Variants in SLC24A1 observed in about 807,000 individuals in gnomAD.
SLC24A1 encodes the protein sodium/potassium/calcium exchanger 1.
SLC24A1 carries 52 observed loss-of-function variants against 88.1 expected under a neutral mutation model. That is an observed-to-expected ratio of 0.59 (90% CI 0.47 to 0.74). SLC24A1 has a LOEUF of 0.74. Among genes scored for constraint, SLC24A1 ranks in the 30% least tolerant of loss-of-function variants. The pLI is 0.00. For synonymous variants in SLC24A1, 455 were observed against 498.0 expected (o/e 0.91, Z 1.15); for missense variants, 1,173 against 1,363.3 (o/e 0.86, Z 2.20).
intron 2 of SLC24A1, 90 bp downstream of exon 2, chr15:65,626,060 A>T (rs1482771018): frequency 1.1e-6 from 1 of 904,298 alleles, no homozygotes; most frequent in Admixed American, 1.7e-5. Flanking sequence ...GCTGGATCAG[A>T]CCTCAAGAGA....
chr15:65,648,296 G>A (rs2075376691), intron 6 of SLC24A1, among the ~76,000 whole-genome samples: 1 of 152,016 alleles, frequency 6.6e-6, no homozygotes, highest in Admixed American at 6.5e-5. Flanking sequence ...ATTTTAATGT[G>A]CAGCACAATT....
intron 2 of SLC24A1, among the ~76,000 whole-genome samples, chr15:65,631,766 C>T (rs1214307305): frequency 1.3e-5 from 2 of 152,118 alleles, no homozygotes; most frequent in East Asian, 1.9e-4. Flanking sequence ...GCAAAAACCG[C>T]GATTACTTTT....
intron 2 of SLC24A1, among the ~76,000 whole-genome samples, chr15:65,632,362 G>C (rs1431653997): frequency 1.3e-5 from 2 of 152,180 alleles, no homozygotes; most frequent in African/African-American, 4.8e-5. Flanking sequence ...GGATGATGCT[G>C]ATCTTTTTGG....
Position 65,625,425 on chromosome 15 carries a change from G to A in SLC24A1, c.1345G>A (p.Glu449Lys). 1.9e-6 allele frequency: 3 copies of A among 1,614,072 alleles called. No homozygotes were observed. Among genetic ancestry groups the A allele is most frequent in the Non-Finnish European group, 2.5e-6 (3 of 1,179,900 alleles). ...CCCCCCAGATCTGTTCAGTGTGGAG[G>A]AGCGGCGGCAGGGCTGGGTGGTCCT... ...EYPPDLFSVE[E>K]RRQGWVVLHV... is the part of the protein sequence containing the mutation. The change falls in exon 2 of 10, where the codon GAG becomes AAG. Residue 449 changes from glutamate to lysine, a missense_variant. Glu to Lys is a moderately conservative substitution (Grantham distance 56, BLOSUM62 1). Transcript: ENST00000261892.
At chr15:65,613,877 T>C (rs2074053938) in intron 2 of SLC24A1, among the ~76,000 whole-genome samples, 1 of 151,964 alleles carries the variant, frequency 6.6e-6, no homozygotes, top group South Asian at 2.1e-4. Context: ...TGGGCCTACT[T>C]CTCTTTTGCA....
rs746573722 is a variant in SLC24A1 at position 65,638,109 on chromosome 15, C to T, written c.1891-19C>T. ...AGGGTCTCGCCACAACATCTCGTGACTCCTCTCCCTGTTTGCAGCCGGGCG... is the reference window on the plus strand; with the variant it reads ...AGGGTCTCGCCACAACATCTCGTGATTCCTCTCCCTGTTTGCAGCCGGGCG... On this transcript the variant is annotated intron_variant, in intron 2 of 9. Transcript: ENST00000261892. 5.0e-6 allele frequency: 8 copies of T among 1,595,948 alleles called. No individual in the cohort carries two copies. The highest frequency in any genetic ancestry group is 6.9e-6 in the Non-Finnish European group (8 of 1,167,320).
upstream of SLC24A1, among the ~76,000 whole-genome samples, chr15:65,621,397 T>G (rs190887256): frequency 4.0e-3 from 605 of 152,310 alleles, 4 homozygotes; most frequent in African/African-American, 0.014. Flanking sequence ...ATTAGTGCCC[T>G]CTACACCAAG....
Position 65,645,746 on chromosome 15 carries a change from G to T in SLC24A1, c.2232+43G>T, listed in dbSNP as rs767838590. 2.1e-6 allele frequency: 3 copies of T among 1,399,040 alleles called. No individual in the cohort carries two copies. The African/African-American group carries it at 4.3e-5, about 20-fold the overall frequency. 86.7% of individuals were successfully genotyped at this position (1,399,040 alleles called of 1,614,324 possible). A position where few individuals can be genotyped will look rare whatever the true frequency, so the allele number is the denominator to read the frequency against. On this transcript the variant is annotated intron_variant, in intron 6 of 9. Coordinates refer to ENST00000261892, the MANE Select transcript of SLC24A1 (RefSeq NM_004727.3). ...GCACAGACAAAATTGGAGAGGTCTA[G>T]GGAAGGAACTCTTGACCAAAAATAC... is the stretch of plus-strand genomic sequence containing the variant.
chr15:65,645,036 C>T (rs1482631070), intron 5 of SLC24A1, among the ~76,000 whole-genome samples: 1 of 152,212 alleles, frequency 6.6e-6, no homozygotes, highest in Non-Finnish European at 1.5e-5. Context: ...CTGCACAGCA[C>T]ACCAGGACTG....
intron 6 of SLC24A1, among the ~76,000 whole-genome samples, chr15:65,646,861 T>C (rs1259642947): frequency 6.6e-6 from 1 of 152,218 alleles, no homozygotes; most frequent in African/African-American, 2.4e-5. Context: ...AGCTTCATGG[T>C]AACATGAGTA....
chr15:65,638,958 A>T (rs1326250589), intron 3 of SLC24A1, among the ~76,000 whole-genome samples: 2 of 152,172 alleles, frequency 1.3e-5, no homozygotes, highest in East Asian at 3.9e-4. Flanking sequence ...TACAGTATAG[A>T]TGTGTGTGTA....
chr15:65,642,823 A>G (rs938907509), intron 4 of SLC24A1: 6 of 366,340 alleles, frequency 1.6e-5, no homozygotes, highest in African/African-American at 1.3e-4. Flanking sequence ...AGACCCATTT[A>G]TCTGTTTCCT....
At chr15:65,647,124 A>T (rs1422400126) in intron 6 of SLC24A1, among the ~76,000 whole-genome samples, 1 of 152,086 alleles carries the variant, frequency 6.6e-6, no homozygotes, top group African/African-American at 2.4e-5. Flanking sequence ...ATATAACCCC[A>T]AGCTACAATC....
chr15:65,654,217 AT>A lies in SLC24A1; in HGVS notation c.*139del. The A allele has an allele frequency of 6.9e-7, 1 of 1,446,264 alleles. No individual in the cohort carries two copies. 89.6% of individuals were successfully genotyped at this position (1,446,264 alleles called of 1,614,324 possible). On this transcript the variant is annotated 3_prime_UTR_variant, in exon 10 of 10. Coordinates refer to ENST00000261892, the MANE Select transcript of SLC24A1 (RefSeq NM_004727.3). ...ACCTAGGACCTCTGATATGAATGTGATCTGAGACTAAAGTTTGTCCTTGGAA... is the reference window on the plus strand; with the variant it reads ...ACCTAGGACCTCTGATATGAATGTGACTGAGACTAAAGTTTGTCCTTGGAA...
At chr15:65,640,632 C>T (rs1213588236) in intron 4 of SLC24A1, among the ~76,000 whole-genome samples, 1 of 152,196 alleles carries the variant, frequency 6.6e-6, no homozygotes, top group African/African-American at 2.4e-5. Context: ...TATGACACCA[C>T]AGAATGATCC....
At chr15:65,635,463 A>G (rs1026480836) in intron 2 of SLC24A1, among the ~76,000 whole-genome samples, 1 of 149,818 alleles carries the variant, frequency 6.7e-6, no homozygotes, top group Non-Finnish European at 1.5e-5. Flanking sequence ...AAAAAAAAAA[A>G]AAAAAAAGAA....
intron 2 of SLC24A1, among the ~76,000 whole-genome samples, chr15:65,632,959 T>C (rs564107809): frequency 3.2e-4 from 48 of 152,354 alleles, no homozygotes; most frequent in African/African-American, 1.2e-3. Context: ...TAGTTTACAC[T>C]ATCACGTGTA....
At position 65,655,555 on chromosome 15, in the gene SLC24A1, A is replaced by C; in HGVS notation, c.*1476A>C. On this transcript the variant is annotated 3_prime_UTR_variant, in exon 10 of 10. Transcript: ENST00000261892. ...TTTTACTAGAATCAAGTTAAGGGACACGTTAGAAATAGAACAGCTTAATAT... is the reference window on the plus strand; with the variant it reads ...TTTTACTAGAATCAAGTTAAGGGACCCGTTAGAAATAGAACAGCTTAATAT... The C allele has an allele frequency of 1.0e-6, 1 of 985,438 alleles. No homozygotes were observed. The highest frequency in any genetic ancestry group is 1.2e-6 in the Non-Finnish European group (1 of 829,930). The allele number at this position is 985,438 out of a possible 1,614,324, so 61.0% of individuals were successfully genotyped here.
At chr15:65,618,209 C>T (rs1351976403), upstream of SLC24A1, among the ~76,000 whole-genome samples, 1 of 152,026 alleles carries the variant, frequency 6.6e-6, no homozygotes, top group Non-Finnish European at 1.5e-5. Flanking sequence ...GCAAAATTGT[C>T]TCTACGTATG....
Sources: allele counts gnomAD v4.1 joint callset (sites outside exome capture counted in the v4.1 genomes callset), GRCh38; gene constraint gnomAD v4.1.1; transcripts MANE v1.5; gene names NCBI Gene and HGNC (gene_info 2026-07-23, HGNC 2026-07-21).